Variants in LARP1B observed in about 807,000 individuals in gnomAD.
LARP1B encodes the protein La ribonucleoprotein 1B, also known as la-related protein 1B.
In LARP1B, 76 loss-of-function variants were observed where a neutral mutation model predicts 114.2. The observed-to-expected ratio is 0.67, with a 90% confidence interval of 0.55 to 0.81. The LOEUF is 0.81. LARP1B is among the 30% of genes least tolerant of loss of function. LARP1B has a pLI of 0.00. For missense variants in LARP1B, 1,014 were observed against 1,075.8 expected, an observed-to-expected ratio of 0.94 and a Z score of 0.80; for synonymous variants, 345 against 348.0, an observed-to-expected ratio of 0.99 and a Z score of 0.10.
At chr4:128,179,986 G>A (rs909241252) in intron 15 of LARP1B, among the ~76,000 whole-genome samples, 1 of 151,996 alleles carries the variant, frequency 6.6e-6, no homozygotes, top group Admixed American at 6.6e-5. Flanking sequence ...TAAGAAAGAA[G>A]AAAATTAATT....
chr4:128,105,718 C>T (rs1489038638), intron 8 of LARP1B, among the ~76,000 whole-genome samples: 1 of 151,920 alleles, frequency 6.6e-6, no homozygotes, highest in Admixed American at 6.6e-5. Context: ...GGTGAAACCC[C>T]GTCTCTACTA....
chr4:128,112,466 A>ATTCTTTTTTT, intron 9 of LARP1B, among the ~76,000 whole-genome samples: 1 of 69,322 alleles, frequency 1.4e-5, no homozygotes, highest in South Asian at 6.3e-4. Flanking sequence ...TGCTTACTCT[A>ATTCTTTTTTT]TTTTTTTTTT....
intron 19 of LARP1B, 136 bp from the exon 20 acceptor site, chr4:128,209,720 C>CAGAAAAAAAAAAAAAAAAAAAAA (rs1336085069): frequency 2.1e-6 from 1 of 467,816 alleles, no homozygotes. Context: ...GAGACTCCAT[C>CAGAAAAAAAAAAAAAAAAAAAAA]AAAAAAAAAA....
At chr4:128,140,383 A>G (rs897721416) in intron 11 of LARP1B, among the ~76,000 whole-genome samples, 2 of 152,240 alleles carry the variant, frequency 1.3e-5, no homozygotes, top group African/African-American at 4.8e-5. Context: ...TTATGAATAC[A>G]TCTAGAAAAC....
chr4:128,096,388 T>A (rs1294785465), intron 7 of LARP1B, among the ~76,000 whole-genome samples: 1 of 152,222 alleles, frequency 6.6e-6, no homozygotes, highest in African/African-American at 2.4e-5. Context: ...ATTAAATGTA[T>A]TGTGAATATT....
chr4:128,097,583 A>G (rs1778541636), intron 7 of LARP1B, among the ~76,000 whole-genome samples: 2 of 152,214 alleles, frequency 1.3e-5, no homozygotes, highest in Admixed American at 1.3e-4. Flanking sequence ...CTGGGATTAC[A>G]GGCATCAGCC....
At position 128,114,699 on chromosome 4, in the gene LARP1B, T is replaced by G. The variant is rs1050911364; in HGVS notation, c.1118T>G (p.Ile373Arg). The G allele has an allele frequency of 3.1e-6, 5 of 1,613,880 alleles. No individual in the cohort carries two copies. The highest frequency in any genetic ancestry group is 2.5e-6 in the Non-Finnish European group (3 of 1,179,996). Residue 373 changes from isoleucine (I) to arginine (R), a missense_variant, in exon 10 of 20, where the codon ATA becomes AGA. By Grantham distance (97) the Ile-to-Arg change is moderately conservative. Transcript: ENST00000326639. ...SLPDLDSEPW[I>R]EVKKRHQPAP... ...CCTGACTTGGACTCAGAACCTTGGATAGAAGTTAAAAAAAGACATCAGCCA... is the reference window on the plus strand; with the variant it reads ...CCTGACTTGGACTCAGAACCTTGGAGAGAAGTTAAAAAAAGACATCAGCCA...
At chr4:128,155,674 C>G in intron 11 of LARP1B, 1 of 1,597,036 alleles carries the variant, frequency 6.3e-7, no homozygotes, top group Non-Finnish European at 8.5e-7. Context: ...GTGTCCAAGG[C>G]CTTGTGAACA....
chr4:128,211,088 A>G lies in LARP1B; in HGVS notation c.*1035A>G. ...TGCTATTACAACTGATGTAAATGGT[A>G]GTTTCAGTTTTTGTGAGATTTAAAA... On this transcript the variant is annotated 3_prime_UTR_variant, in exon 20 of 20. Coordinates refer to ENST00000326639, the MANE Select transcript of LARP1B (RefSeq NM_018078.4). The G allele has an allele frequency of 2.2e-6, 2 of 898,000 alleles. No individual in the cohort carries two copies. Among genetic ancestry groups the G allele is most frequent in the Non-Finnish European group, 2.7e-6 (2 of 750,564 alleles). The allele number at this position is 898,000 out of a possible 1,614,324, so 55.6% of individuals were successfully genotyped here.
At chr4:128,140,818 GTC>G (rs1414267586) in intron 11 of LARP1B, among the ~76,000 whole-genome samples, 4 of 77,600 alleles carry the variant, frequency 5.2e-5, no homozygotes, top group African/African-American at 1.4e-4. Flanking sequence ...TAGGTTAATT[GTC>G]TCTGTTTTTT....
chr4:128,143,398 G>A (rs547517707), intron 11 of LARP1B, among the ~76,000 whole-genome samples: 1 of 152,304 alleles, frequency 6.6e-6, no homozygotes, highest in Admixed American at 6.5e-5. Context: ...CTCTGCCAGG[G>A]ATTCATTCAT....
intron 4 of LARP1B, among the ~76,000 whole-genome samples, chr4:128,079,103 T>C (rs1769180417): frequency 1.5e-5 from 1 of 67,718 alleles, no homozygotes; most frequent in Non-Finnish European, 4.4e-5. Context: ...TTTTTTTTTT[T>C]TTTTTTTAAG....
intron 10 of LARP1B, among the ~76,000 whole-genome samples, chr4:128,117,813 C>A (rs534283061): frequency 1.2e-4 from 19 of 152,244 alleles, no homozygotes; most frequent in African/African-American, 4.6e-4. Flanking sequence ...AACCACCACA[C>A]CTGGCCTTGC....
chr4:128,193,861 G>A (rs1402718925), intron 15 of LARP1B, among the ~76,000 whole-genome samples: 2 of 152,096 alleles, frequency 1.3e-5, no homozygotes, highest in Non-Finnish European at 2.9e-5. Flanking sequence ...CAGGAGATCC[G>A]CCTGCCTTGG....
At chr4:128,065,256 T>A (rs533235781) in intron 1 of LARP1B, among the ~76,000 whole-genome samples, 3,205 of 58,952 alleles carry the variant, frequency 0.054, 90 homozygotes, top group East Asian at 0.24. Context: ...ACAATTAATT[T>A]CTTTCTTTCT....
chr4:128,200,192 C>T (rs1228067694), intron 16 of LARP1B, among the ~76,000 whole-genome samples: 1 of 152,208 alleles, frequency 6.6e-6, no homozygotes, highest in African/African-American at 2.4e-5. Flanking sequence ...GCTGTTTCAG[C>T]AGTCCTCAAT....
At chr4:128,131,149 A>G (rs1791459044) in intron 11 of LARP1B, among the ~76,000 whole-genome samples, 1 of 152,172 alleles carries the variant, frequency 6.6e-6, no homozygotes, top group Non-Finnish European at 1.5e-5. Flanking sequence ...GTACAGGACA[A>G]TTTTGATAAT....
At chr4:128,216,652 G>C (rs1401680116), downstream of LARP1B, among the ~76,000 whole-genome samples, 1 of 148,918 alleles carries the variant, frequency 6.7e-6, no homozygotes, top group East Asian at 2.0e-4. Flanking sequence ...GCAGTGTGTA[G>C]AGGGAAATTT....
upstream of LARP1B, among the ~76,000 whole-genome samples, chr4:128,060,980 C>G (rs1383048511): frequency 6.6e-6 from 1 of 152,096 alleles, no homozygotes; most frequent in Non-Finnish European, 1.5e-5. Flanking sequence ...CGCGGCCCGC[C>G]CAGGCCCTTG....
Sources: gnomAD v4.1 joint callset for allele counts (sites outside exome capture counted in the v4.1 genomes callset) on GRCh38, gnomAD v4.1.1 for gene constraint, MANE v1.5 for transcripts, NCBI Gene and HGNC (gene_info 2026-07-23, HGNC 2026-07-21) for gene names.